TRMT44: variants seen among roughly 807,000 people sequenced by gnomAD.
TRMT44 encodes tRNA methyltransferase 44 homolog.
A neutral mutation model predicts 77.3 loss-of-function variants in TRMT44; 78 were observed. That is an observed-to-expected ratio of 1.01 (90% CI 0.84 to 1.22). TRMT44 has a LOEUF of 1.22. Ranked by LOEUF, TRMT44 falls within the 50% of genes most tolerant of loss-of-function variation. The pLI is 0.00. For missense variants in TRMT44, 1,090 were observed against 964.4 expected (o/e 1.13, Z -1.73); for synonymous variants, 391 against 383.3 (o/e 1.02, Z -0.23).
intron 10 of TRMT44, among the ~76,000 whole-genome samples, chr4:8,471,975 C>T (rs986579724): frequency 2.0e-5 from 3 of 149,216 alleles, no homozygotes; most frequent in African/African-American, 4.9e-5. Flanking sequence ...CCAGCGCCAG[C>T]GGCTGGGGAG....
Position 8,482,975 on chromosome 4 carries a change from G to A in TRMT44, n.3891+3442G>A, listed in dbSNP as rs558891988. Among the ~76,000 whole-genome samples, 14 of 152,246 alleles carry A rather than the reference G, an allele frequency of 9.2e-5. No individual in the cohort carries two copies. In the South Asian group the frequency reaches 1.0e-3, roughly 11 times the overall value. On this transcript the variant is annotated intron_variant and non_coding_transcript_variant, in intron 2 of 2. Coordinates refer to the TRMT44 transcript ENST00000511366. The stretch of plus-strand genomic sequence containing the variant: ...GGCTGCTTCGAGTGGGATGAGGGGC[G>A]GTGTGGGAACCTAGAGTGGGAGAGA...
At chr4:8,490,750 C>T (rs866852542) in intron 2 of TRMT44, among the ~76,000 whole-genome samples, 7 of 152,146 alleles carry the variant, frequency 4.6e-5, no homozygotes, top group Non-Finnish European at 7.4e-5. Context: ...GAAGGGGCCC[C>T]GAGCGGGTTG....
chr4:8,501,277 G>A, the TRMT44 span, among the ~76,000 whole-genome samples: 3 of 152,128 alleles, frequency 2.0e-5, no homozygotes, highest in East Asian at 1.9e-4. This position sits in a 1 kb window ranked among gnomAD's most constrained non-coding sequence, Gnocchi z 4.4. Context: ...GTCCATCGGG[G>A]GATGTGGGGC....
chr4:8,514,169 C>T, the TRMT44 span, among the ~76,000 whole-genome samples: 2 of 151,994 alleles, frequency 1.3e-5, no homozygotes, highest in Admixed American at 6.6e-5. Context: ...GAAGAGCCAG[C>T]TCTGCACAGG....
At chr4:8,454,503 AGACTGG>A in intron 5 of TRMT44, 2 of 582,576 alleles carry the variant, frequency 3.4e-6, no homozygotes, top group Non-Finnish European at 6.1e-6. Context: ...TGGTACCACC[AGACTGG>A]GCTGCAGGTT....
At chr4:8,490,128 C>T (rs73223264) in intron 2 of TRMT44, among the ~76,000 whole-genome samples, 3,433 of 152,236 alleles carry the variant, frequency 0.023, 71 homozygotes, top group African/African-American at 0.053. Flanking sequence ...TTCATCTCTG[C>T]CCAACCAATC....
the TRMT44 span, among the ~76,000 whole-genome samples, chr4:8,505,528 C>T: frequency 4.6e-5 from 7 of 152,202 alleles, no homozygotes; most frequent in Non-Finnish European, 1.0e-4. Flanking sequence ...GTGTGGGGGG[C>T]ATGAGTCACG....
chr4:8,452,974 C>T lies in TRMT44; in HGVS notation c.1116C>T (p.Ile372=), dbSNP rs940057123. ...LGCGNGLLVH[I]LSSEGHPGRG... ...GTGGAAATGGCCTCCTGGTCCACAT[C>T]CTGAGCAGTGAGGGGGTAAGGCCCG... Residue 372 remains isoleucine (I), a synonymous_variant, in exon 5 of 11, where the codon ATC becomes ATT. Transcript: ENST00000389737. This position sits in a 1 kb window ranked among gnomAD's most constrained non-coding sequence, Gnocchi z 5.7. 6.6e-7 allele frequency: 1 copy of T among 1,525,344 alleles called. No homozygotes were observed. Among genetic ancestry groups the T allele is most frequent in the Non-Finnish European group, 8.8e-7 (1 of 1,142,112 alleles). 94.5% of individuals were successfully genotyped at this position (1,525,344 alleles called of 1,614,324 possible).
chr4:8,471,232 TC>T lies in TRMT44; in HGVS notation c.2044+34del, dbSNP rs780481871. 22 of 1,361,754 alleles carry T rather than the reference TC, an allele frequency of 1.6e-5. No individual in the cohort carries two copies. The Admixed American group carries it at 3.3e-4, about 20-fold the overall frequency. 84.4% of individuals were successfully genotyped at this position (1,361,754 alleles called of 1,614,324 possible). On this transcript the variant is annotated intron_variant, in intron 10 of 10. Transcript: ENST00000389737. ...AGTCCGCCTCTCCCCCGCCGTTCTT[TC>T]CTTCTTTTTCCCCCTTTTTTCAGTT...
chr4:8,491,234 C>T (rs1727993325), intron 2 of TRMT44, among the ~76,000 whole-genome samples: 1 of 152,134 alleles, frequency 6.6e-6, no homozygotes, highest in South Asian at 2.1e-4. Context: ...TCGATTGGTG[C>T]ACTCACAAAC....
intron 2 of TRMT44, among the ~76,000 whole-genome samples, chr4:8,448,975 T>TC (rs1725246472): frequency 6.6e-6 from 1 of 152,238 alleles, no homozygotes; most frequent in East Asian, 1.9e-4. Context: ...CTTAATGCCC[T>TC]CCCCTTCCCT....
the TRMT44 span, among the ~76,000 whole-genome samples, chr4:8,514,212 G>A: frequency 6.7e-6 from 1 of 150,162 alleles, no homozygotes; most frequent in Non-Finnish European, 1.5e-5. Flanking sequence ...AACAAGCCAA[G>A]CAGACTATGC....
chr4:8,463,962 G>A (rs774737140), intron 6 of TRMT44, 23 bp from the exon 7 acceptor site: 32 of 1,597,596 alleles, frequency 2.0e-5, no homozygotes, highest in South Asian at 6.6e-5. Flanking sequence ...AAAACATTTC[G>A]TCTTGTTTTG....
At chr4:8,475,621 A>G in intron 10 of TRMT44, 151 bp from the exon 11 acceptor site, 2 of 702,022 alleles carry the variant, frequency 2.8e-6, no homozygotes, top group Non-Finnish European at 4.8e-6. Context: ...AGGCAGACTC[A>G]CTGTGACCAG....
intron 9 of TRMT44, among the ~76,000 whole-genome samples, chr4:8,470,489 G>A (rs938982933): frequency 1.3e-5 from 2 of 152,266 alleles, no homozygotes; most frequent in Non-Finnish European, 2.9e-5. Context: ...GGTAATAAAT[G>A]ACTTTAATGT....
intron 1 of TRMT44, among the ~76,000 whole-genome samples, chr4:8,442,087 T>C (rs1290992217): frequency 6.6e-6 from 1 of 152,246 alleles, no homozygotes; most frequent in Non-Finnish European, 1.5e-5. Context: ...GACCACATTG[T>C]AGTGATTCAA....
At chr4:8,509,009 C>T in the TRMT44 span, 1 of 152,292 alleles carries the variant, frequency 6.6e-6, no homozygotes, top group African/African-American at 2.4e-5. Context: ...CAGCCATCAC[C>T]CCTCTCTTGA....
rs986675464 is a variant in TRMT44 at position 8,451,188 on chromosome 4, C to A, written c.955-772C>A. The stretch of plus-strand genomic sequence containing the variant: ...CCTGTGGGTCCCCGGGGTTGGCTGA[C>A]TGAGGCTGGGCTCCCTCCCACATCC... On this transcript the variant is annotated intron_variant, in intron 3 of 10. Coordinates refer to ENST00000389737, the MANE Select transcript of TRMT44 (RefSeq NM_152544.3). The surrounding 1 kb of genome is among the most constrained non-coding windows in gnomAD (Gnocchi z 4.1). Among the ~76,000 whole-genome samples, 7 of 152,144 alleles carry A rather than the reference C, an allele frequency of 4.6e-5. No homozygotes were observed. The highest frequency in any genetic ancestry group is 7.4e-5 in the Non-Finnish European group (5 of 68,024).
chr4:8,515,486 G>T, the TRMT44 span, among the ~76,000 whole-genome samples: 5 of 152,232 alleles, frequency 3.3e-5, no homozygotes, highest in Admixed American at 6.5e-5. Flanking sequence ...CTCCCAAGCT[G>T]CTCCCAGCCT....
Sources: gnomAD v4.1 joint callset for allele counts (sites outside exome capture counted in the v4.1 genomes callset) on GRCh38, gnomAD v4.1.1 for gene constraint, Gnocchi (gnomAD v3.1) non-coding constraint, MANE v1.5 for transcripts, NCBI Gene and HGNC (gene_info 2026-07-23, HGNC 2026-07-21) for gene names.